ASB2: variants seen among roughly 807,000 people sequenced by gnomAD.
ASB2 encodes ankyrin repeat and SOCS box protein 2.
In ASB2, 58 loss-of-function variants were observed where a neutral mutation model predicts 62.4. The ratio of observed to expected loss-of-function variants is 0.93; its 90% CI spans 0.75 to 1.16. The LOEUF (loss-of-function observed/expected upper bound fraction) is 1.16, where lower values mean the gene tolerates loss of function less well. Ranked by LOEUF, ASB2 falls within the 50% of genes most tolerant of loss-of-function variation. The probability of loss-of-function intolerance (pLI) is 0.00; values close to 1 mark genes in which losing one functional copy is unlikely to be tolerated. For synonymous variants in ASB2, 386 were observed against 385.3 expected (o/e 1.00, Z -0.02); for missense variants, 928 against 887.9 (o/e 1.05, Z -0.57).
chr14:93,952,573 T>G (rs529740926), intron 5 of ASB2, among the ~76,000 whole-genome samples: 1 of 152,316 alleles, frequency 6.6e-6, no homozygotes, highest in East Asian at 1.9e-4. Context: ...GACAGGATGC[T>G]TTAGAATGTA....
At position 93,956,870 on chromosome 14, in the gene ASB2, C is replaced by A. The variant is rs1335590382; in HGVS notation, c.207G>T (p.Arg69Ser). 1 of 1,614,100 alleles carries A rather than the reference C, an allele frequency of 6.2e-7. No homozygotes were observed. Among genetic ancestry groups the A allele is most frequent in the Non-Finnish European group, 8.5e-7 (1 of 1,180,010 alleles). The change falls in exon 3 of 10, where the codon AGG becomes AGT. Residue 69 changes from arginine (R) to serine (S), a missense_variant and splice_region_variant. Transcript: ENST00000555019. ...GCGAACTCTCAGGAGGTGCAGTGGA[C>A]CTGGAGGGTGCAGAGCAGGAGTGAA... is the stretch of plus-strand genomic sequence containing the variant. ...RQPAHFYPWT[R>S]STAPPESSPA...
chr14:93,950,161 G>A (rs759654268), intron 6 of ASB2, among the ~76,000 whole-genome samples: 9 of 152,220 alleles, frequency 5.9e-5, no homozygotes, highest in Non-Finnish European at 8.8e-5. Context: ...CCATTGCCCC[G>A]ATCTGTGTTC....
At chr14:93,947,290 C>T (rs529190151) in intron 7 of ASB2, 59 bp downstream of exon 7, 279 of 1,587,452 alleles carry the variant, frequency 1.8e-4, no homozygotes, top group Non-Finnish European at 2.2e-4. Flanking sequence ...CCTCCAATCC[C>T]CTACTCCCAG....
At chr14:93,956,265 C>A (rs1032595213) in intron 3 of ASB2, among the ~76,000 whole-genome samples, 11 of 152,172 alleles carry the variant, frequency 7.2e-5, no homozygotes, top group Non-Finnish European at 1.5e-4. Context: ...TAGCACCTGG[C>A]ACTTCACAAA....
chr14:93,953,330 C>G, intron 5 of ASB2, 22 bp downstream of exon 5: 1 of 1,535,320 alleles, frequency 6.5e-7, no homozygotes, highest in East Asian at 2.3e-5. Context: ...CAGGAAAGCT[C>G]ACTCCGGGGT....
At chr14:93,935,730 T>C (rs1378685036) in intron 9 of ASB2, among the ~76,000 whole-genome samples, 1 of 152,204 alleles carries the variant, frequency 6.6e-6, no homozygotes, top group East Asian at 1.9e-4. Context: ...GCTGCAGCGT[T>C]GCCTAGCGAA....
chr14:93,973,383 C>CAATGTACATTGAG (rs1889816902), intron 1 of ASB2, among the ~76,000 whole-genome samples: 1 of 151,926 alleles, frequency 6.6e-6, no homozygotes, highest in Non-Finnish European at 1.5e-5. Flanking sequence ...GGATGCCACT[C>CAATGTACATTGAG]CAAAAAGAGA....
At chr14:93,942,564 A>G (rs1322171880) in intron 7 of ASB2, among the ~76,000 whole-genome samples, 1 of 152,210 alleles carries the variant, frequency 6.6e-6, no homozygotes, top group East Asian at 1.9e-4. Context: ...CCAGGATTCT[A>G]GTTTCCTCAG....
At chr14:93,973,486 T>C (rs1889819727) in intron 1 of ASB2, among the ~76,000 whole-genome samples, 1 of 152,162 alleles carries the variant, frequency 6.6e-6, no homozygotes, top group African/African-American at 2.4e-5. Flanking sequence ...AAGTGCCCTG[T>C]TGCAATGATG....
In ASB2 at chr14:93,947,417, G is replaced by C. The variant is rs201504021; in HGVS notation, c.984C>G (p.Ala328=). The part of the protein sequence containing the change: ...EVVEFLLSQG[A]DANKTNKDGL... ...CGTCCTTGTTGGTCTTGTTGGCGTC[G>C]GCACCCTGTGACAGCAGAAACTCCA... The change falls in exon 7 of 10, where the codon GCC becomes GCG. Residue 328 remains alanine, a synonymous_variant. Transcript: ENST00000555019. The C allele has an allele frequency of 7.5e-5, 121 of 1,614,196 alleles. No individual in the cohort carries two copies. The East Asian group carries it at 2.7e-3, about 35-fold the overall frequency.
At chr14:93,935,147 T>C (rs1455692427) in intron 9 of ASB2, among the ~76,000 whole-genome samples, 1 of 152,162 alleles carries the variant, frequency 6.6e-6, no homozygotes, top group African/African-American at 2.4e-5. Flanking sequence ...ACACACAGCC[T>C]GGGCCCCCAA....
At chr14:93,970,749 C>T (rs149823368) in intron 1 of ASB2, among the ~76,000 whole-genome samples, 1 of 152,266 alleles carries the variant, frequency 6.6e-6, no homozygotes, top group African/African-American at 2.4e-5. Context: ...GCCCCACTGC[C>T]TATACTCAAC....
chr14:93,956,671 C>T, intron 3 of ASB2, 95 bp downstream of exon 3: 1 of 1,541,466 alleles, frequency 6.5e-7, no homozygotes, highest in Non-Finnish European at 8.9e-7. Flanking sequence ...GCCCTCTGCC[C>T]TCCTGGGGGC....
rs374759187 is a variant in ASB2, at chr14:93,939,173, C to T, written c.1552G>A (p.Ala518Thr). The change falls in exon 8 of 10, where the codon GCC (alanine) becomes ACC (threonine). Residue 518 changes from alanine (A) to threonine (T), a missense_variant. By Grantham distance (58) the Ala-to-Thr change is moderately conservative. Coordinates refer to ENST00000555019, the MANE Select transcript of ASB2 (RefSeq NM_001202429.2). ...TTGAACCTGCTGGAGGGCTGCGGGG[C>T]CGGCGGGTGCGGGCCGTTGCCGTAG... Reference protein sequence around the residue: ...CLYGNGPHPPAPQPSSRFNDA... With the variant: ...CLYGNGPHPPTPQPSSRFNDA... 9.0e-5 allele frequency: 142 copies of T among 1,574,532 alleles called. No individual in the cohort carries two copies. In the African/African-American group the frequency reaches 1.6e-3, roughly 18 times the overall value.
intron 9 of ASB2, 74 bp downstream of exon 9, chr14:93,937,624 G>C: frequency 6.8e-7 from 1 of 1,463,852 alleles, no homozygotes; most frequent in African/African-American, 1.4e-5. Context: ...AGGAACAGTC[G>C]CACTCCCTGA....
rs180871500 is a variant in ASB2 at position 93,934,313 on chromosome 14, A to C, written c.*343T>G. 346 of 463,982 alleles carry C rather than the reference A, an allele frequency of 7.5e-4. 5 individuals carry two copies. Among genetic ancestry groups the C allele is most frequent in the South Asian group, 4.5e-3 (277 of 60,910 alleles). 28.7% of individuals were successfully genotyped at this position (463,982 alleles called of 1,614,324 possible). ...GTGGTGAGTTTTCCAGAACAAGTGG[A>C]GGGGCACAGGGAAGGCTCTGAGCAC... On this transcript the variant is annotated 3_prime_UTR_variant, in exon 10 of 10. Coordinates refer to ENST00000555019, the MANE Select transcript of ASB2 (RefSeq NM_001202429.2).
chr14:93,940,866 C>G (rs1385880364), intron 7 of ASB2, among the ~76,000 whole-genome samples: 2 of 152,220 alleles, frequency 1.3e-5, no homozygotes, highest in African/African-American at 2.4e-5. Context: ...TGTGACTCCT[C>G]CAAGGATACA....
intron 7 of ASB2, chr14:93,944,158 A>G (rs1034198079): frequency 8.2e-6 from 3 of 366,114 alleles, no homozygotes; most frequent in African/African-American, 2.1e-5. Context: ...GGTGGGGCCC[A>G]GGCATCAGGG....
chr14:93,966,317 C>T (rs963760088), intron 1 of ASB2, among the ~76,000 whole-genome samples: 16 of 152,338 alleles, frequency 1.1e-4, no homozygotes, highest in East Asian at 1.9e-4. Flanking sequence ...ACAATCTCAC[C>T]GCCTCAGCTG....
Sources: allele counts gnomAD v4.1 joint callset (sites outside exome capture counted in the v4.1 genomes callset), GRCh38; gene constraint gnomAD v4.1.1; transcripts MANE v1.5; gene names NCBI Gene and HGNC (gene_info 2026-07-23, HGNC 2026-07-21).